FHIT: variants seen among roughly 807,000 people sequenced by gnomAD.
The protein encoded by FHIT is fragile histidine triad diadenosine triphosphatase, also known as bis(5'-adenosyl)-triphosphatase.
Under a neutral mutation model 17.9 loss-of-function variants are expected in FHIT, and 19 were observed. The observed-to-expected ratio is 1.06, with a 90% CI of 0.74 to 1.56. The LOEUF (loss-of-function observed/expected upper bound fraction) is 1.56. FHIT is among the 40% of genes most tolerant of loss of function. The probability of loss-of-function intolerance (pLI) is 0.00; values close to 1 mark genes in which losing one functional copy is unlikely to be tolerated. For missense variants in FHIT, 248 were observed against 189.2 expected (o/e 1.31, Z -1.82); for synonymous variants, 81 against 69.7 (o/e 1.16, Z -0.81).
chr3:60,483,412 C>T (rs891452227), intron 5 of FHIT, among the ~76,000 whole-genome samples: 1 of 152,142 alleles, frequency 6.6e-6, no homozygotes, highest in African/African-American at 2.4e-5. Flanking sequence ...TGATGAGCAT[C>T]AATGCGAAAA....
intron 2 of FHIT, among the ~76,000 whole-genome samples, chr3:61,045,044 A>G (rs2033715942): frequency 6.6e-6 from 1 of 152,228 alleles, no homozygotes; most frequent in African/African-American, 2.4e-5. Flanking sequence ...CACTATAAAG[A>G]CCATCAATAC....
chr3:61,140,762 A>T (rs1343690731), intron 2 of FHIT, among the ~76,000 whole-genome samples: 3 of 152,208 alleles, frequency 2.0e-5, no homozygotes, highest in African/African-American at 7.2e-5. Context: ...TTTTAAACAT[A>T]CATAGCATAC....
At position 60,820,966 on chromosome 3, in the gene FHIT, C is replaced by CTATTATTATTAT. The variant is rs10576663; in HGVS notation, c.-18+941_-18+952dup. ...TTAGTGCATTGCTCCTACTTTCTTG[C>CTATTATTATTAT]TATTATTATTATTATTATGGGGTTT... On this transcript the variant is annotated intron_variant, in intron 4 of 9. Transcript: ENST00000492590. 5.4e-3 allele frequency among the ~76,000 whole-genome samples: 818 copies of CTATTATTATTAT among 150,364 alleles called. 5 individuals are homozygous for CTATTATTATTAT. Among genetic ancestry groups the CTATTATTATTAT allele is most frequent in the Non-Finnish European group, 7.8e-3 (529 of 67,688 alleles).
intron 3 of FHIT, among the ~76,000 whole-genome samples, chr3:60,950,921 T>C (rs1384422228): frequency 1.3e-5 from 2 of 152,098 alleles, no homozygotes; most frequent in South Asian, 4.1e-4. Flanking sequence ...AAACATAACG[T>C]CTGGAGGAAC....
At chr3:61,013,595 C>T (rs770673914) in intron 3 of FHIT, among the ~76,000 whole-genome samples, 3 of 151,386 alleles carry the variant, frequency 2.0e-5, no homozygotes, top group African/African-American at 7.3e-5. Context: ...GTTATCTAGT[C>T]CAACAAGGCA....
intron 5 of FHIT, among the ~76,000 whole-genome samples, chr3:60,148,318 T>A (rs1253661511): frequency 6.6e-6 from 1 of 152,180 alleles, no homozygotes; most frequent in East Asian, 1.9e-4. Context: ...TGGATGATAG[T>A]ACTTTGCACA....
At chr3:60,976,921 A>C (rs976388449) in intron 3 of FHIT, among the ~76,000 whole-genome samples, 1 of 151,208 alleles carries the variant, frequency 6.6e-6, no homozygotes, top group Non-Finnish European at 1.5e-5. Context: ...CTGAATTTCT[A>C]TTAAAGGATT....
chr3:60,667,649 TTTCTTGG>T (rs1210679476), intron 4 of FHIT, among the ~76,000 whole-genome samples: 3 of 152,166 alleles, frequency 2.0e-5, no homozygotes, highest in Non-Finnish European at 4.4e-5. Context: ...AATTTGTGAT[TTTCTTGG>T]TTCTTGGTAT....
chr3:60,842,783 T>C (rs916072896), intron 3 of FHIT, among the ~76,000 whole-genome samples: 15 of 151,632 alleles, frequency 9.9e-5, no homozygotes, highest in Non-Finnish European at 1.9e-4. Context: ...GCTTAAGCTA[T>C]CCAAAGGATT....
At chr3:60,966,055 G>A (rs1364250876) in intron 3 of FHIT, among the ~76,000 whole-genome samples, 1 of 152,182 alleles carries the variant, frequency 6.6e-6, no homozygotes, top group Non-Finnish European at 1.5e-5. Flanking sequence ...TACAGAGGCA[G>A]GCAGGCCTCC....
chr3:59,953,659 A>T (rs1204180709), intron 7 of FHIT, among the ~76,000 whole-genome samples: 1 of 152,120 alleles, frequency 6.6e-6, no homozygotes, highest in Non-Finnish European at 1.5e-5. Context: ...TCGGCCTCCC[A>T]CTCAGCACCA....
intron 2 of FHIT, among the ~76,000 whole-genome samples, chr3:61,116,520 C>A (rs2036302635): frequency 6.6e-6 from 1 of 152,032 alleles, no homozygotes; most frequent in Admixed American, 6.6e-5. Context: ...CTCTAAAAAT[C>A]ACTCTTCGTT....
At chr3:60,015,202 A>G (rs1030513624) in intron 5 of FHIT, among the ~76,000 whole-genome samples, 2 of 152,208 alleles carry the variant, frequency 1.3e-5, no homozygotes, top group South Asian at 4.1e-4. Flanking sequence ...TCTCACTAGA[A>G]TATCAACCCC....
intron 5 of FHIT, among the ~76,000 whole-genome samples, chr3:60,181,325 T>A (rs1240971000): frequency 6.6e-6 from 1 of 151,954 alleles, no homozygotes; most frequent in Non-Finnish European, 1.5e-5. Flanking sequence ...TTTATGTTTT[T>A]AGTAGATACG....
At chr3:60,066,813 T>C (rs1018462254) in intron 5 of FHIT, among the ~76,000 whole-genome samples, 2 of 151,868 alleles carry the variant, frequency 1.3e-5, no homozygotes, top group Non-Finnish European at 2.9e-5. Context: ...CCCACCACCA[T>C]GCCCGGCTAA....
At chr3:60,087,301 A>T (rs556993417) in intron 5 of FHIT, among the ~76,000 whole-genome samples, 1 of 152,206 alleles carries the variant, frequency 6.6e-6, no homozygotes, top group Admixed American at 6.5e-5. Flanking sequence ...AGATCTTTGA[A>T]ATGCCTTAAG....
intron 3 of FHIT, among the ~76,000 whole-genome samples, chr3:60,861,624 C>T (rs750423231): frequency 6.6e-6 from 1 of 151,958 alleles, no homozygotes; most frequent in Non-Finnish European, 1.5e-5. Context: ...AGTCTAGTCT[C>T]TCATGTTCCC....
At chr3:59,801,837 T>C (rs781204650) in intron 8 of FHIT, among the ~76,000 whole-genome samples, 7 of 152,200 alleles carry the variant, frequency 4.6e-5, no homozygotes, top group Non-Finnish European at 7.3e-5. Context: ...CTCCATGGCA[T>C]GCCCTCTGAC....
chr3:60,048,285 T>G (rs1295473229), intron 5 of FHIT, among the ~76,000 whole-genome samples: 1 of 152,178 alleles, frequency 6.6e-6, no homozygotes, highest in African/African-American at 2.4e-5. Flanking sequence ...CAAGCTATTC[T>G]CCTGCCTCAG....
Sources: allele counts gnomAD v4.1 joint callset (sites outside exome capture counted in the v4.1 genomes callset), GRCh38; gene constraint gnomAD v4.1.1; transcripts MANE v1.5; gene names NCBI Gene and HGNC (gene_info 2026-07-23, HGNC 2026-07-21).